The following MORC4 variants were observed in gnomAD, a reference collection of about 807,000 sequenced individuals.
MORC4 encodes MORC family CW-type zinc finger protein 4.
MORC4 carries 22 observed loss-of-function variants against 65.5 expected under a neutral mutation model. That is an observed-to-expected ratio of 0.34 (90% CI 0.24 to 0.48). The LOEUF is 0.48. MORC4 is among the 20% of genes least tolerant of loss of function. The pLI, the probability that MORC4 is intolerant of heterozygous loss-of-function variation, is 0.99. For synonymous variants in MORC4, 267 were observed against 255.8 expected, an observed-to-expected ratio of 1.04 and a Z score of -0.42; for missense variants, 624 against 703.0, an observed-to-expected ratio of 0.89 and a Z score of 1.27.
intron 9 of MORC4, among the ~76,000 whole-genome samples, chrX:106,975,843 C>G (rs1934611262): frequency 9.0e-6 from 1 of 110,623 alleles, no homozygotes; most frequent in Non-Finnish European, 1.9e-5. Context: ...AAAGTTCTCC[C>G]CACTTTGCAC....
intron 9 of MORC4, among the ~76,000 whole-genome samples, chrX:106,970,560 T>C (rs1198100208): frequency 2.7e-5 from 3 of 111,890 alleles, no homozygotes; most frequent in Admixed American, 1.9e-4. Flanking sequence ...CATGACTGTA[T>C]ACTTAGAAAA....
rs996277349 is a variant in MORC4 at position 106,941,186 on chromosome X, T to C, written c.*293A>G. On this transcript the variant is annotated 3_prime_UTR_variant, in exon 17 of 17. Transcript: ENST00000355610. ...AGAAAAAGATATACAATAGACCACA[T>C]ATCCAGGTCATGAAAATTAAAGCTT... is the stretch of plus-strand genomic sequence containing the variant. 5.7e-5 allele frequency: 14 copies of C among 245,346 alleles called. No homozygotes were observed. The highest frequency in any genetic ancestry group is 9.4e-5 in the Non-Finnish European group (13 of 137,799). 20.2% of individuals were successfully genotyped at this position (245,346 alleles called of 1,213,427 possible). A position where few individuals can be genotyped will look rare whatever the true frequency, so the allele number is the denominator to read the frequency against.
chrX:106,999,583 C>A, intron 2 of MORC4, 94 bp downstream of exon 2: 1 of 889,041 alleles, frequency 1.1e-6, no homozygotes, highest in Non-Finnish European at 1.5e-6. Flanking sequence ...CCCGGCCCGC[C>A]CCGCGCGGCT....
At position 106,942,622 on chromosome X, in the gene MORC4, C is replaced by G. The variant is rs1344911422; in HGVS notation, c.2269G>C (p.Gly757Arg). ...EKARGYEESE[G>R]HNTPKLKNQR... is the part of the protein sequence containing the mutation. ...TTCTTCAACTTTGGTGTATTATGAC[C>G]TTCGCTCTCCTCATAGCCTCTTGCT... The change falls in exon 15 of 17, where the codon GGT becomes CGT. Residue 757 changes from glycine to arginine, a missense_variant. Physicochemically the swap from Gly to Arg is moderately radical, Grantham distance 125. Coordinates refer to ENST00000355610, the MANE Select transcript of MORC4 (RefSeq NM_024657.5). The G allele has an allele frequency of 1.7e-6, 2 of 1,211,228 alleles. No homozygotes were observed. The highest frequency in any genetic ancestry group is 2.2e-6 in the Non-Finnish European group (2 of 895,280).
chrX:106,972,584 T>C (rs1934544494), intron 9 of MORC4, among the ~76,000 whole-genome samples: 1 of 111,394 alleles, frequency 9.0e-6, no homozygotes, highest in Non-Finnish European at 1.9e-5. Context: ...TTGGATGACA[T>C]GAATATACAT....
In MORC4 at chrX:106,980,719, C is replaced by A. The variant is rs186766934; in HGVS notation, c.936+172G>T. On this transcript the variant is annotated intron_variant, in intron 7 of 16. Coordinates refer to ENST00000355610, the MANE Select transcript of MORC4 (RefSeq NM_024657.5). ...CAGGTGATTTCTGATAAAAATGGTACACAGATTGGCATTTAAGAAAGACTT... is the reference window on the plus strand; with the variant it reads ...CAGGTGATTTCTGATAAAAATGGTAAACAGATTGGCATTTAAGAAAGACTT... 3.6e-4 allele frequency among the ~76,000 whole-genome samples: 40 copies of A among 111,246 alleles called. No homozygotes were observed. In the East Asian group the frequency reaches 8.7e-3, roughly 24 times the overall value.
chrX:106,963,949 T>C (rs1462593447), intron 9 of MORC4, among the ~76,000 whole-genome samples: 1 of 108,813 alleles, frequency 9.2e-6, no homozygotes, highest in African/African-American at 3.3e-5. Context: ...AGTTACCACA[T>C]TATTAGATTC....
chrX:106,989,438 T>C (rs777676493), intron 3 of MORC4, among the ~76,000 whole-genome samples: 2 of 112,395 alleles, frequency 1.8e-5, no homozygotes, highest in African/African-American at 3.2e-5. Context: ...AGCCTGAAAA[T>C]AGAGTTGCAT....
intron 9 of MORC4, among the ~76,000 whole-genome samples, chrX:106,974,160 C>G (rs917442448): frequency 1.8e-5 from 2 of 111,640 alleles, no homozygotes; most frequent in African/African-American, 6.5e-5. Context: ...GGAGCCAAAT[C>G]CAGCCCACTG....
intron 9 of MORC4, among the ~76,000 whole-genome samples, chrX:106,969,988 T>C (rs926045205): frequency 1.4e-4 from 16 of 111,828 alleles, no homozygotes; most frequent in African/African-American, 4.9e-4. Flanking sequence ...GAGGCCAGCA[T>C]CATCCTGATA....
At chrX:106,952,926 G>C (rs1328650790) in intron 14 of MORC4, among the ~76,000 whole-genome samples, 1 of 111,898 alleles carries the variant, frequency 8.9e-6, no homozygotes, top group African/African-American at 3.3e-5. Context: ...CAATCAATGT[G>C]ATTCCCTCGA....
chrX:106,958,385 T>C lies in MORC4; in HGVS notation c.1336A>G (p.Met446Val). 2 of 1,205,065 alleles carry C rather than the reference T, an allele frequency of 1.7e-6. No homozygotes were observed. Among genetic ancestry groups the C allele is most frequent in the Non-Finnish European group, 2.2e-6 (2 of 889,767 alleles). Residue 446 changes from methionine (M) to valine (V), a missense_variant, in exon 11 of 17, where the codon ATG becomes GTG. Physicochemically the swap from Met to Val is conservative, Grantham distance 21 (BLOSUM62 1). Transcript: ENST00000355610. Reference sequence around the variant, plus strand: ...TAACAAAACCATCTTGCAGGTAACATGGATGGATCAATCTTCCCAGGAAGC... The same window carrying C: ...TAACAAAACCATCTTGCAGGTAACACGGATGGATCAATCTTCCCAGGAAGC... ...RKLPGKIDPS[M>V]LPARWFCYYN...
intron 12 of MORC4, 96 bp from the exon 13 acceptor site, chrX:106,956,630 A>G (rs1934113058): frequency 2.7e-6 from 2 of 753,171 alleles, no homozygotes; most frequent in South Asian, 2.3e-5. Context: ...TGTTCCTTCC[A>G]AATTACAAAT....
In MORC4 at chrX:106,943,125, T is replaced by A; in HGVS notation, c.1766A>T (p.Asp589Val). Residue 589 changes from aspartate to valine, a missense_variant, in exon 15 of 17, where the codon GAT (aspartate) becomes GTT (valine). Coordinates refer to ENST00000355610, the MANE Select transcript of MORC4 (RefSeq NM_024657.5). ...CCTGTAAGGAGCAGGCATGGAATAA[T>A]CTAGAGAAGGTGTTGTCATCTCATT... Reference protein sequence around the residue: ...LQNEMTTPSLDYSMPAPYRRV... With the variant: ...LQNEMTTPSLVYSMPAPYRRV... 8.3e-7 allele frequency: 1 copy of A among 1,211,211 alleles called. No homozygotes were observed.
chrX:106,950,227 C>T (rs1285025733), intron 14 of MORC4, among the ~76,000 whole-genome samples: 1 of 112,133 alleles, frequency 8.9e-6, no homozygotes, highest in African/African-American at 3.2e-5. Context: ...AACTTATGAT[C>T]GCTTGCACAT....
chrX:106,944,440 T>C (rs979146831), intron 14 of MORC4, among the ~76,000 whole-genome samples: 6 of 112,007 alleles, frequency 5.4e-5, no homozygotes, highest in African/African-American at 1.9e-4. Context: ...TAATACTAAA[T>C]AGCAACAACC....
chrX:106,995,771 G>T (rs1935067372), intron 2 of MORC4, among the ~76,000 whole-genome samples: 1 of 112,283 alleles, frequency 8.9e-6, no homozygotes, highest in African/African-American at 3.2e-5. Flanking sequence ...AGCTTTATCA[G>T]AAATGCAGTT....
Position 106,941,750 on chromosome X carries a change from T to G in MORC4, c.2661-118A>C, listed in dbSNP as rs1020506224. 2.8e-5 allele frequency: 24 copies of G among 864,118 alleles called. No individual in the cohort carries two copies. In the African/African-American group the frequency reaches 4.5e-4, roughly 16 times the overall value. 71.2% of individuals were successfully genotyped at this position (864,118 alleles called of 1,213,427 possible). A position where few individuals can be genotyped will look rare whatever the true frequency, so the allele number is the denominator to read the frequency against. Reference sequence around the variant, plus strand: ...TCTCAACAGTTATGTTTTCATTAGCTAGAAAGAAGAAAGCACAACGCCACC... The same window carrying G: ...TCTCAACAGTTATGTTTTCATTAGCGAGAAAGAAGAAAGCACAACGCCACC... On this transcript the variant is annotated intron_variant, in intron 16 of 16. Transcript: ENST00000355610.
In MORC4 at chrX:106,981,376, G is replaced by A. The variant is rs1934737077; in HGVS notation, c.776C>T (p.Ser259Phe). Residue 259 changes from serine to phenylalanine, a missense_variant, in exon 6 of 17, where the codon TCT becomes TTT. By Grantham distance (155) the Ser-to-Phe change is radical. Coordinates refer to ENST00000355610, the MANE Select transcript of MORC4 (RefSeq NM_024657.5). ...TEEKMTGGVT[S>F]ELPETEYSLR... ...AGAATATTCTGTTTCTGGTAGCTCA[G>A]AGGTAACACCGCCAGTCATTTTTTC... 2 of 1,207,029 alleles carry A rather than the reference G, an allele frequency of 1.7e-6. No individual in the cohort carries two copies. Among genetic ancestry groups the A allele is most frequent in the African/African-American group, 3.5e-5 (2 of 57,580 alleles).
Sources: allele counts gnomAD v4.1 joint callset (sites outside exome capture counted in the v4.1 genomes callset), GRCh38; gene constraint gnomAD v4.1.1; transcripts MANE v1.5; gene names NCBI Gene and HGNC (gene_info 2026-07-23, HGNC 2026-07-21).